The following EDEM3 variants were observed in gnomAD, a reference collection of about 807,000 sequenced individuals.
EDEM3 encodes the protein ER degradation enhancing alpha-mannosidase like protein 3, also known as ER degradation-enhancing alpha-mannosidase-like protein 3.
EDEM3 carries 60 observed loss-of-function variants against 110.2 expected under a neutral mutation model. The observed-to-expected ratio is 0.54, with a 90% CI of 0.44 to 0.67. The LOEUF is 0.67. EDEM3 is among the 30% of genes least tolerant of loss of function. The pLI is 0.00. For missense variants in EDEM3, 996 were observed against 1,121.0 expected (o/e 0.89, Z 1.59); for synonymous variants, 352 against 382.9 (o/e 0.92, Z 0.94).
chr1:184,731,780 A>C (rs1034041156), intron 6 of EDEM3, among the ~76,000 whole-genome samples: 36 of 152,234 alleles, frequency 2.4e-4, no homozygotes, highest in African/African-American at 8.0e-4. Context: ...ATTAAAGCTT[A>C]AATTTTACAT....
rs968809180 is a variant in EDEM3, at chr1:184,706,764, T to C, written c.2082A>G (p.Ser694=). The C allele has an allele frequency of 3.1e-6, 5 of 1,613,852 alleles. No individual in the cohort carries two copies. Among genetic ancestry groups the C allele is most frequent in the African/African-American group, 2.7e-5 (2 of 74,930 alleles). ...VASSKPSNGC[S]ELTNPEAVMG... is the part of the protein sequence containing the mutation. ...TCACTGCCTCTGGGTTAGTAAGCTC[T>C]GAACAACCATTGGATGGTTTACTGC... The change falls in exon 18 of 20, where the codon TCA becomes TCG. Residue 694 remains serine, a synonymous_variant. Coordinates refer to ENST00000318130, the MANE Select transcript of EDEM3 (RefSeq NM_025191.4).
intron 19 of EDEM3, among the ~76,000 whole-genome samples, chr1:184,698,790 C>CAG (rs71816609): frequency 2.2e-4 from 34 of 151,130 alleles, no homozygotes; most frequent in African/African-American, 7.0e-4. Context: ...GAGACAGAGA[C>CAG]AGAGAGAGAG....
At chr1:184,705,770 G>A (rs938644171) in intron 18 of EDEM3, among the ~76,000 whole-genome samples, 4 of 152,020 alleles carry the variant, frequency 2.6e-5, no homozygotes, top group African/African-American at 9.7e-5. Flanking sequence ...AGCATATTGT[G>A]AGCCCAGGTC....
In EDEM3 at chr1:184,694,453, T is replaced by C. The variant is rs1360732053; in HGVS notation, c.2409A>G (p.Glu803=). The C allele has an allele frequency of 6.3e-7, 1 of 1,599,396 alleles. No homozygotes were observed. The highest frequency in any genetic ancestry group is 2.2e-5 in the East Asian group (1 of 44,630). The change falls in exon 20 of 20, where the codon GAA becomes GAG. Residue 803 remains glutamate, a synonymous_variant. Coordinates refer to ENST00000318130, the MANE Select transcript of EDEM3 (RefSeq NM_025191.4). ...AATCATTTTCAGAGGATGGTTGTTCTTCATTTTCCATTTCAGGATCTGTAT... is the reference window on the plus strand; with the variant it reads ...AATCATTTTCAGAGGATGGTTGTTCCTCATTTTCCATTTCAGGATCTGTAT... ...AKDRDPEMEN[E]EQPSSENDSQ...
rs1236098050 is a variant in EDEM3 at position 184,732,995 on chromosome 1, G to T, written c.459-5C>A. On this transcript the variant is annotated splice_region_variant and splice_polypyrimidine_tract_variant and intron_variant, in intron 5 of 19. Coordinates refer to ENST00000318130, the MANE Select transcript of EDEM3 (RefSeq NM_025191.4). ...GAGTGCCCACCCAAAAGACCCCTAG[G>T]ATCACAGAGATGAAACATTATCCAT... The T allele has an allele frequency of 6.2e-7, 1 of 1,612,162 alleles. No homozygotes were observed. The highest frequency in any genetic ancestry group is 8.5e-7 in the Non-Finnish European group (1 of 1,179,110).
At chr1:184,713,277 A>G (rs1448910090) in intron 13 of EDEM3, among the ~76,000 whole-genome samples, 1 of 152,168 alleles carries the variant, frequency 6.6e-6, no homozygotes, top group Admixed American at 6.5e-5. Context: ...AAAAAAAGAA[A>G]AAAATAGTTA....
At chr1:184,740,688 G>A (rs2102124373) in intron 2 of EDEM3, among the ~76,000 whole-genome samples, 1 of 152,276 alleles carries the variant, frequency 6.6e-6, no homozygotes, top group South Asian at 2.1e-4. Flanking sequence ...AATAAAAGGT[G>A]ACAACACGAA....
At chr1:184,698,162 A>G (rs1218236743) in intron 19 of EDEM3, among the ~76,000 whole-genome samples, 2 of 151,826 alleles carry the variant, frequency 1.3e-5, no homozygotes, top group African/African-American at 4.8e-5. Flanking sequence ...ATGTACTCTC[A>G]TATCTTGCTG....
At chr1:184,741,779 T>C (rs1349737491) in intron 2 of EDEM3, among the ~76,000 whole-genome samples, 3 of 152,236 alleles carry the variant, frequency 2.0e-5, no homozygotes, top group Non-Finnish European at 4.4e-5. Context: ...TGTAGTTCTC[T>C]GATATTCCTG....
At chr1:184,705,491 T>C (rs756711673) in intron 18 of EDEM3, among the ~76,000 whole-genome samples, 1 of 152,176 alleles carries the variant, frequency 6.6e-6, no homozygotes, top group Non-Finnish European at 1.5e-5. Context: ...TGTGTCCCAA[T>C]AAAACTTTTA....
intron 16 of EDEM3, among the ~76,000 whole-genome samples, chr1:184,709,962 A>C (rs1029045743): frequency 2.6e-5 from 4 of 152,216 alleles, no homozygotes; most frequent in African/African-American, 4.8e-5. Context: ...TCCTAGGCAC[A>C]GACAAATAAA....
At chr1:184,710,282 A>C in intron 16 of EDEM3, 112 bp downstream of exon 16, 2 of 1,309,934 alleles carry the variant, frequency 1.5e-6, no homozygotes, top group East Asian at 2.4e-5. Flanking sequence ...CTCTCACTTT[A>C]AACAGTATAT....
intron 15 of EDEM3, 69 bp downstream of exon 15, chr1:184,711,654 T>C: frequency 7.2e-7 from 1 of 1,392,446 alleles, no homozygotes; most frequent in South Asian, 1.7e-5. Flanking sequence ...TGATACATGC[T>C]CCCTAAGTTC....
intron 9 of EDEM3, 191 bp downstream of exon 9, chr1:184,721,098 T>C (rs1650875104): frequency 4.1e-6 from 2 of 486,186 alleles, no homozygotes; most frequent in South Asian, 3.3e-5. Context: ...TAAAACTACT[T>C]TATCAACTGA....
intron 18 of EDEM3, among the ~76,000 whole-genome samples, chr1:184,704,649 CAAAA>C (rs58913815): frequency 3.3e-5 from 1 of 29,904 alleles, no homozygotes; most frequent in Non-Finnish European, 6.3e-5. Flanking sequence ...GACTCTGTCT[CAAAA>C]AAAAAAAAAA....
At chr1:184,707,799 T>C (rs1463023144) in intron 17 of EDEM3, among the ~76,000 whole-genome samples, 2 of 152,226 alleles carry the variant, frequency 1.3e-5, no homozygotes, top group African/African-American at 4.8e-5. Flanking sequence ...TGCTTTTAGC[T>C]GTTTTCTACA....
chr1:184,704,839 C>G (rs562571198), intron 18 of EDEM3, among the ~76,000 whole-genome samples: 7 of 151,712 alleles, frequency 4.6e-5, no homozygotes, highest in Admixed American at 4.6e-4. Context: ...AGGCAGAACA[C>G]CTGAGGTCAG....
chr1:184,748,301 G>T (rs1045087828), intron 2 of EDEM3, among the ~76,000 whole-genome samples: 2 of 151,932 alleles, frequency 1.3e-5, no homozygotes, highest in Admixed American at 1.3e-4. Context: ...ACAAAAATTA[G>T]CCAGGCATGG....
At chr1:184,751,298 CTCTTT>C (rs928685353) in intron 1 of EDEM3, among the ~76,000 whole-genome samples, 2 of 151,682 alleles carry the variant, frequency 1.3e-5, no homozygotes, top group African/African-American at 4.8e-5. Flanking sequence ...GATGGAAGTC[CTCTTT>C]TTTTTCCTTC....
Sources: gnomAD v4.1 joint callset for allele counts (sites outside exome capture counted in the v4.1 genomes callset) on GRCh38, gnomAD v4.1.1 for gene constraint, MANE v1.5 for transcripts, NCBI Gene and HGNC (gene_info 2026-07-23, HGNC 2026-07-21) for gene names.